The following ZMYND8 variants were observed in gnomAD, a reference collection of about 807,000 sequenced individuals.
ZMYND8 encodes zinc finger MYND-type containing 8.
ZMYND8 carries 37 observed loss-of-function variants against 140.8 expected under a neutral mutation model. The observed-to-expected ratio is 0.26, with a 90% confidence interval of 0.20 to 0.35. ZMYND8 has a LOEUF of 0.35. ZMYND8 is among the 10% of genes least tolerant of loss of function. ZMYND8 has a pLI of 1.00. For missense variants in ZMYND8, 1,068 were observed against 1,570.0 expected (o/e 0.68, Z 5.40); for synonymous variants, 592 against 597.1 (o/e 0.99, Z 0.12).
At position 47,220,280 on chromosome 20, in the gene ZMYND8, G is replaced by A. The variant is rs1322249077; in HGVS notation, c.3462C>T (p.Leu1154=). The stretch of plus-strand genomic sequence containing the variant: ...TACCAGAGCCTTGGTTGGAGCCTAA[G>A]AGAATGGAGGAGGGCGTCTCTCTGG... ...SGSRETPSSI[L]LGSNQGSVSK... The change falls in exon 21 of 23, where the codon CTC becomes CTT. Residue 1154 remains leucine (L), a synonymous_variant. Coordinates refer to ENST00000471951, the MANE Select transcript of ZMYND8 (RefSeq NM_001281775.3). 6.4e-6 allele frequency: 10 copies of A among 1,564,468 alleles called. No homozygotes were observed. The highest frequency in any genetic ancestry group is 1.4e-5 in the African/African-American group (1 of 73,596).
intron 11 of ZMYND8, among the ~76,000 whole-genome samples, chr20:47,273,358 C>A (rs1267900637): frequency 6.6e-6 from 1 of 152,030 alleles, no homozygotes; most frequent in Non-Finnish European, 1.5e-5. Context: ...CCAGCCTGGC[C>A]AACATGGTGA....
At chr20:47,254,956 G>A (rs901854876) in intron 12 of ZMYND8, among the ~76,000 whole-genome samples, 10 of 152,036 alleles carry the variant, frequency 6.6e-5, no homozygotes, top group Admixed American at 2.0e-4. Flanking sequence ...GTGAAACCCC[G>A]TCTCTACTAA....
chr20:47,250,617 T>G (rs1319232480), intron 12 of ZMYND8, among the ~76,000 whole-genome samples: 1 of 152,208 alleles, frequency 6.6e-6, no homozygotes, highest in African/African-American at 2.4e-5. Flanking sequence ...CCCCAGAATC[T>G]AGTCTGAGAG....
intron 16 of ZMYND8, among the ~76,000 whole-genome samples, chr20:47,230,673 G>A (rs1275502628): frequency 1.3e-5 from 2 of 152,078 alleles, no homozygotes; most frequent in East Asian, 1.9e-4. Flanking sequence ...AACCAGCACC[G>A]CTTTATTGAG....
intron 11 of ZMYND8, among the ~76,000 whole-genome samples, chr20:47,264,080 G>GA (rs1454290531): frequency 6.6e-6 from 1 of 152,104 alleles, no homozygotes; most frequent in African/African-American, 2.4e-5. Flanking sequence ...CCCCCCACAA[G>GA]AAAGAGTTAT....
intron 2 of ZMYND8, among the ~76,000 whole-genome samples, chr20:47,340,300 A>G (rs2081744357): frequency 6.6e-6 from 1 of 152,114 alleles, no homozygotes; most frequent in Non-Finnish European, 1.5e-5. Context: ...TGGGGTAAGT[A>G]AGAATGGTGG....
chr20:47,262,003 G>A (rs888220847), intron 12 of ZMYND8, among the ~76,000 whole-genome samples: 1 of 151,822 alleles, frequency 6.6e-6, no homozygotes, highest in African/African-American at 2.4e-5. Flanking sequence ...CCCAGGAGGC[G>A]GAGGTTGCAG....
chr20:47,228,163 T>C (rs2037966237), intron 17 of ZMYND8, among the ~76,000 whole-genome samples: 1 of 152,082 alleles, frequency 6.6e-6, no homozygotes, highest in East Asian at 1.9e-4. Flanking sequence ...AGTTCTTAAC[T>C]GGGGCAATTT....
chr20:47,216,495 CAAAAAAAAAAAA>C (rs10536216), intron 21 of ZMYND8, among the ~76,000 whole-genome samples: 1 of 59,440 alleles, frequency 1.7e-5, no homozygotes, highest in African/African-American at 6.1e-5. Context: ...GACTCTGTCT[CAAAAAAAAAAAA>C]AAAAAAAAAA....
At chr20:47,259,348 C>T (rs2074989445) in intron 12 of ZMYND8, among the ~76,000 whole-genome samples, 2 of 152,150 alleles carry the variant, frequency 1.3e-5, no homozygotes, top group South Asian at 4.1e-4. Flanking sequence ...AAGCAACTGC[C>T]CTGACCATCC....
rs1014640522 is a variant in ZMYND8 at position 47,338,530 on chromosome 20, C to T, written c.85+9326G>A. ...TAAGGCTTCATCCCGGTCAGCTTCA[C>T]AGACATCATATTTTCACCATGCAGA... On this transcript the variant is annotated intron_variant, in intron 2 of 22. Transcript: ENST00000471951. Among the ~76,000 whole-genome samples, 17 of 152,266 alleles carry T rather than the reference C, an allele frequency of 1.1e-4. 1 individual carries two copies. Among genetic ancestry groups the T allele is most frequent in the Middle Eastern group, 3.4e-3 (1 of 294 alleles).
At chr20:47,268,620 TACA>T (rs1464320643) in intron 11 of ZMYND8, among the ~76,000 whole-genome samples, 3 of 151,098 alleles carry the variant, frequency 2.0e-5, no homozygotes, top group Non-Finnish European at 4.4e-5. Context: ...CTACTAAAAA[TACA>T]ACAAGCAGTC....
At chr20:47,328,263 T>C (rs1000936126) in intron 2 of ZMYND8, among the ~76,000 whole-genome samples, 2 of 152,184 alleles carry the variant, frequency 1.3e-5, no homozygotes, top group Non-Finnish European at 2.9e-5. Context: ...ATTATAGGTA[T>C]TGCATAAGTT....
At chr20:47,326,047 T>A (rs989515723) in intron 2 of ZMYND8, among the ~76,000 whole-genome samples, 1 of 152,086 alleles carries the variant, frequency 6.6e-6, no homozygotes, top group East Asian at 1.9e-4. Flanking sequence ...AACCTCTGCC[T>A]CCCAAGTTCA....
intron 3 of ZMYND8, among the ~76,000 whole-genome samples, chr20:47,301,155 C>CTTT (rs74178720): frequency 7.5e-6 from 1 of 133,448 alleles, no homozygotes; most frequent in African/African-American, 2.8e-5. Context: ...TTGCATAATT[C>CTTT]TTTTTTTTTT....
intron 5 of ZMYND8, among the ~76,000 whole-genome samples, chr20:47,292,570 T>A (rs984289652): frequency 6.6e-6 from 1 of 152,162 alleles, no homozygotes; most frequent in Non-Finnish European, 1.5e-5. Context: ...TATCATCTCT[T>A]CAAAATTTCA....
chr20:47,218,599 AAAATCTAG>A (rs2036466004), intron 21 of ZMYND8, among the ~76,000 whole-genome samples: 1 of 152,270 alleles, frequency 6.6e-6, no homozygotes, highest in Non-Finnish European at 1.5e-5. Flanking sequence ...GCATGCGGCT[AAAATCTAG>A]AGTCTGCTCA....
chr20:47,257,548 C>T (rs1400349158), intron 12 of ZMYND8, among the ~76,000 whole-genome samples: 2 of 151,706 alleles, frequency 1.3e-5, no homozygotes, highest in Non-Finnish European at 2.9e-5. Flanking sequence ...AATATACAAA[C>T]ATACCCATAT....
intron 16 of ZMYND8, 52 bp downstream of exon 16, chr20:47,236,274 G>C: frequency 1.2e-6 from 2 of 1,609,838 alleles, no homozygotes; most frequent in Non-Finnish European, 1.7e-6. Context: ...CCAAGATTCT[G>C]GCATCCTGCC....
Sources: allele counts gnomAD v4.1 joint callset (sites outside exome capture counted in the v4.1 genomes callset), GRCh38; gene constraint gnomAD v4.1.1; transcripts MANE v1.5; gene names NCBI Gene and HGNC (gene_info 2026-07-23, HGNC 2026-07-21).